The following KLRG2 variants were observed in gnomAD, a reference collection of about 807,000 sequenced individuals.
The protein encoded by KLRG2 is killer cell lectin like receptor G2.
In KLRG2, 39 loss-of-function variants were observed where a neutral mutation model predicts 35.4. The ratio of observed to expected loss-of-function variants is 1.10; its 90% confidence interval spans 0.85 to 1.44. The LOEUF is 1.44. KLRG2 is among the 40% of genes most tolerant of loss of function. KLRG2 has a pLI of 0.00. For synonymous variants in KLRG2, 283 were observed against 265.8 expected (o/e 1.06, Z -0.63); for missense variants, 632 against 570.9 (o/e 1.11, Z -1.09).
the KLRG2 span, among the ~76,000 whole-genome samples, chr7:139,428,154 C>G: frequency 6.6e-6 from 1 of 152,154 alleles, no homozygotes. Context: ...TTTCCAGCAC[C>G]TTTTATTCTA....
At chr7:139,430,938 G>C in the KLRG2 span, among the ~76,000 whole-genome samples, 2 of 151,826 alleles carry the variant, frequency 1.3e-5, no homozygotes, top group South Asian at 2.1e-4. Context: ...GAACCGGGGA[G>C]GGGGAGGTTG....
At chr7:139,441,726 T>C in the KLRG2 span, among the ~76,000 whole-genome samples, 19 of 152,056 alleles carry the variant, frequency 1.2e-4, no homozygotes, top group Admixed American at 6.6e-5. Context: ...TGAGTCAAGA[T>C]TGTGCCATTG....
chr7:139,461,742 C>T (rs1796572295), intron 3 of KLRG2, among the ~76,000 whole-genome samples: 1 of 152,118 alleles, frequency 6.6e-6, no homozygotes, highest in Non-Finnish European at 1.5e-5. Context: ...AAAGCTGCCC[C>T]ACCCTTATCT....
At chr7:139,454,077 A>T in intron 4 of KLRG2, 34 bp downstream of exon 4, 1 of 1,210,366 alleles carries the variant, frequency 8.3e-7, no homozygotes, top group Non-Finnish European at 1.2e-6. Flanking sequence ...GATCCAGAAC[A>T]GCAGAGGAGG....
rs191552337 is a variant in KLRG2 at position 139,455,737 on chromosome 7, G to C, written c.1006-1523C>G. Reference sequence around the variant, plus strand: ...ATCAGCTTGTTCTTTCTGAAATGTCGTTTGGTGCTATGTGACAAGAGCAGC... The same window carrying C: ...ATCAGCTTGTTCTTTCTGAAATGTCCTTTGGTGCTATGTGACAAGAGCAGC... On this transcript the variant is annotated intron_variant, in intron 3 of 4. Coordinates refer to ENST00000340940, the MANE Select transcript of KLRG2 (RefSeq NM_198508.4). Among the ~76,000 whole-genome samples, 98 of 152,270 alleles carry C rather than the reference G, an allele frequency of 6.4e-4. 1 individual carries two copies. The highest frequency in any genetic ancestry group is 6.1e-3 in the Admixed American group (93 of 15,288).
chr7:139,483,138 G>T lies in KLRG2; in HGVS notation c.505C>A (p.His169Asn). The T allele has an allele frequency of 6.7e-7, 1 of 1,486,882 alleles. No individual in the cohort carries two copies. The allele number at this position is 1,486,882 out of a possible 1,614,324, so 92.1% of individuals were successfully genotyped here. The change falls in exon 1 of 5, where the codon CAC becomes AAC. Residue 169 changes from histidine to asparagine, a missense_variant. Coordinates refer to ENST00000340940, the MANE Select transcript of KLRG2 (RefSeq NM_198508.4). Reference sequence around the variant, plus strand: ...GATGGTGCGCGCAGCAGGAGCTGGTGCGCCGGGTCCGCGTGGCGGGAGAAG... The same window carrying T: ...GATGGTGCGCGCAGCAGGAGCTGGTTCGCCGGGTCCGCGTGGCGGGAGAAG... The part of the protein sequence containing the change: ...PAFSRHADPA[H>N]QLLLRAPSQG...
chr7:139,462,216 G>A (rs1796580833), intron 3 of KLRG2, among the ~76,000 whole-genome samples: 1 of 152,188 alleles, frequency 6.6e-6, no homozygotes, highest in African/African-American at 2.4e-5. Context: ...ACGCAGGGAT[G>A]CCTGCTTGAT....
rs1336198737 is a variant in KLRG2, at chr7:139,483,009, A to G, written c.634T>C (p.Ser212Pro). ...RASPAEGSAG[S>P]PGSPTCCRCK... ...CGGCAGCACGTGGGGGAGCCCGGGG[A>G]GCCGGCGCTTCCTTCCGCGGGGCTG... The change falls in exon 1 of 5, where the codon TCC becomes CCC. Residue 212 changes from serine (S) to proline (P), a missense_variant. Coordinates refer to ENST00000340940, the MANE Select transcript of KLRG2 (RefSeq NM_198508.4). 5 of 1,373,112 alleles carry G rather than the reference A, an allele frequency of 3.6e-6. No homozygotes were observed. In the African/African-American group the frequency reaches 7.7e-5, roughly 21 times the overall value. 85.1% of individuals were successfully genotyped at this position (1,373,112 alleles called of 1,614,324 possible).
chr7:139,480,219 G>A lies in KLRG2; in HGVS notation c.786C>T (p.Tyr262=), dbSNP rs143136241. The A allele has an allele frequency of 6.2e-7, 1 of 1,612,696 alleles. No individual in the cohort carries two copies. The highest frequency in any genetic ancestry group is 8.5e-7 in the Non-Finnish European group (1 of 1,179,038). Residue 262 remains tyrosine, a synonymous_variant, in exon 2 of 5, where the codon TAC becomes TAT. Coordinates refer to ENST00000340940, the MANE Select transcript of KLRG2 (RefSeq NM_198508.4). ...GCACAGCCATGAACGCCAGGGCCCA[G>A]TACAGGGACTTCACGTACATGGGTA... The part of the protein sequence containing the change: ...TGLPMYVKSL[Y]WALAFMAVLL...
chr7:139,461,504 T>C (rs58921130), intron 3 of KLRG2, among the ~76,000 whole-genome samples: 19,737 of 152,218 alleles, frequency 0.13, 3,959 homozygotes, highest in African/African-American at 0.43. Context: ...TCATATCCCC[T>C]GTGACCTGCA....
chr7:139,455,550 T>C (rs947874921), intron 3 of KLRG2, among the ~76,000 whole-genome samples: 5 of 151,528 alleles, frequency 3.3e-5, no homozygotes, highest in African/African-American at 1.2e-4. Context: ...CTCGATCTCC[T>C]GACCTCGTGA....
intron 3 of KLRG2, among the ~76,000 whole-genome samples, chr7:139,456,295 A>G (rs960548844): frequency 2.0e-5 from 3 of 152,216 alleles, no homozygotes; most frequent in African/African-American, 7.2e-5. Context: ...CCAAGGTGAA[A>G]TAGGTGCTCC....
intron 3 of KLRG2, among the ~76,000 whole-genome samples, chr7:139,462,219 T>G (rs1796580923): frequency 6.6e-6 from 1 of 152,208 alleles, no homozygotes; most frequent in Non-Finnish European, 1.5e-5. Context: ...CAGGGATGCC[T>G]GCTTGATTAC....
At position 139,453,290 on chromosome 7, in the gene KLRG2, T is replaced by A; in HGVS notation, c.*297A>T. On this transcript the variant is annotated 3_prime_UTR_variant, in exon 5 of 5. Transcript: ENST00000340940. The stretch of plus-strand genomic sequence containing the variant: ...CTCTAGGGGGAAATTGTCATTTTAA[T>A]GAAACCAAGGCACAGAAATGCTAAA... 2.1e-6 allele frequency: 1 copy of A among 479,824 alleles called. No homozygotes were observed. The highest frequency in any genetic ancestry group is 3.6e-6 in the Non-Finnish European group (1 of 276,642). 29.7% of individuals were successfully genotyped at this position (479,824 alleles called of 1,614,324 possible). A position where few individuals can be genotyped will look rare whatever the true frequency, so the allele number is the denominator to read the frequency against.
At chr7:139,434,824 T>G in the KLRG2 span, among the ~76,000 whole-genome samples, 2 of 152,266 alleles carry the variant, frequency 1.3e-5, no homozygotes, top group Non-Finnish European at 2.9e-5. Context: ...GAGCCCTGAA[T>G]CTGCCACTTA....
chr7:139,454,463 A>C (rs574288184), intron 3 of KLRG2, among the ~76,000 whole-genome samples: 1 of 152,244 alleles, frequency 6.6e-6, no homozygotes, highest in Admixed American at 6.5e-5. Flanking sequence ...TGAACGCCAA[A>C]CACCACTAAG....
chr7:139,450,172 A>G (rs963219769), downstream of KLRG2, among the ~76,000 whole-genome samples: 2 of 151,106 alleles, frequency 1.3e-5, no homozygotes, highest in African/African-American at 4.9e-5. Context: ...CCTCCCGAGT[A>G]GCTGGGATTA....
At chr7:139,427,664 G>A in the KLRG2 span, among the ~76,000 whole-genome samples, 1 of 152,276 alleles carries the variant, frequency 6.6e-6, no homozygotes, top group South Asian at 2.1e-4. Flanking sequence ...ACTAGCATCT[G>A]AGCCCTATAT....
chr7:139,461,879 C>T (rs1310465029), intron 3 of KLRG2, among the ~76,000 whole-genome samples: 1 of 152,164 alleles, frequency 6.6e-6, no homozygotes, highest in Non-Finnish European at 1.5e-5. Context: ...TGCCATGACT[C>T]GGATCAGGGA....
Sources: gnomAD v4.1 joint callset for allele counts (sites outside exome capture counted in the v4.1 genomes callset) on GRCh38, gnomAD v4.1.1 for gene constraint, MANE v1.5 for transcripts, NCBI Gene and HGNC (gene_info 2026-07-23, HGNC 2026-07-21) for gene names.